GRID2: variants seen among roughly 807,000 people sequenced by gnomAD.
GRID2 encodes the protein glutamate ionotropic receptor delta type subunit 2, also known as glutamate receptor ionotropic, delta-2.
GRID2 carries 33 observed loss-of-function variants against 114.8 expected under a neutral mutation model. The observed-to-expected ratio is 0.29, with a 90% CI of 0.22 to 0.38. The LOEUF is 0.38. Among genes scored for constraint, GRID2 ranks in the 10% least tolerant of loss-of-function variants. GRID2 has a pLI of 1.00. For synonymous variants in GRID2, 505 were observed against 449.9 expected (o/e 1.12, Z -1.55); for missense variants, 1,184 against 1,257.7 (o/e 0.94, Z 0.89).
intron 8 of GRID2, among the ~76,000 whole-genome samples, chr4:93,340,125 T>C (rs1759496473): frequency 6.6e-6 from 1 of 152,160 alleles, no homozygotes; most frequent in Non-Finnish European, 1.5e-5. Flanking sequence ...CAATTTTCCT[T>C]TTTGATTTTT....
chr4:92,374,548 C>T (rs991518971), intron 1 of GRID2, among the ~76,000 whole-genome samples: 43 of 152,134 alleles, frequency 2.8e-4, no homozygotes, highest in African/African-American at 9.6e-4. Context: ...TGTCATGGGC[C>T]GTGGTCACTA....
chr4:92,417,090 A>G (rs1359591735), intron 1 of GRID2, among the ~76,000 whole-genome samples: 2 of 152,020 alleles, frequency 1.3e-5, no homozygotes, highest in Non-Finnish European at 2.9e-5. Flanking sequence ...GTTTTCAAAT[A>G]TATGTAATTT....
rs1455608637 is a variant in GRID2, at chr4:93,524,825, A to ATG, written c.2193+9415_2193+9416insGT. ...TATATATATATATATGTATGTATGTATATATATATATATATATATATATAT... is the reference window on the plus strand; with the variant it reads ...TATATATATATATATGTATGTATGTATGTATATATATATATATATATATATAT... On this transcript the variant is annotated intron_variant, in intron 13 of 15. Coordinates refer to ENST00000282020, the MANE Select transcript of GRID2 (RefSeq NM_001510.4). 1.6e-3 allele frequency among the ~76,000 whole-genome samples: 175 copies of ATG among 108,594 alleles called. No individual in the cohort carries two copies. The East Asian group carries it at 0.024, about 15-fold the overall frequency. 71.2% of individuals were successfully genotyped at this position (108,594 alleles called of 152,430 possible). A position where few individuals can be genotyped will look rare whatever the true frequency, so the allele number is the denominator to read the frequency against.
intron 2 of GRID2, among the ~76,000 whole-genome samples, chr4:92,944,799 T>C (rs1751494334): frequency 1.3e-5 from 2 of 152,214 alleles, no homozygotes; most frequent in South Asian, 4.1e-4. Context: ...CTATAGTATG[T>C]TGGACTTATC....
intron 2 of GRID2, among the ~76,000 whole-genome samples, chr4:93,045,486 T>C (rs527984917): frequency 6.6e-6 from 1 of 152,240 alleles, no homozygotes; most frequent in South Asian, 2.1e-4. Context: ...ACAAAGGAGC[T>C]TTAGATATTA....
At chr4:92,684,170 A>C (rs956159899) in intron 2 of GRID2, among the ~76,000 whole-genome samples, 4 of 152,094 alleles carry the variant, frequency 2.6e-5, no homozygotes, top group African/African-American at 9.7e-5. Flanking sequence ...TTATACTATC[A>C]TATATAAAAG....
chr4:92,403,974 A>G (rs1293732919), intron 1 of GRID2, among the ~76,000 whole-genome samples: 1 of 152,174 alleles, frequency 6.6e-6, no homozygotes, highest in Non-Finnish European at 1.5e-5. Context: ...GATAATAAAC[A>G]TCAAAAATAA....
intron 6 of GRID2, among the ~76,000 whole-genome samples, chr4:93,219,953 T>G (rs2149487099): frequency 6.6e-6 from 1 of 152,196 alleles, no homozygotes; most frequent in African/African-American, 2.4e-5. Flanking sequence ...TGAATTAGGC[T>G]TGCCAAATAA....
chr4:93,392,232 T>A (rs570356993), intron 8 of GRID2, among the ~76,000 whole-genome samples: 1 of 152,164 alleles, frequency 6.6e-6, no homozygotes, highest in Admixed American at 6.6e-5. Context: ...AGTCTTGGAC[T>A]CATTGTTAAA....
At chr4:92,491,068 T>C (rs1385918479) in intron 1 of GRID2, among the ~76,000 whole-genome samples, 1 of 152,192 alleles carries the variant, frequency 6.6e-6, no homozygotes, top group Non-Finnish European at 1.5e-5. Flanking sequence ...CAATAAGCAA[T>C]TTATAGTAAA....
chr4:93,263,396 A>G (rs1402914624), intron 8 of GRID2, among the ~76,000 whole-genome samples: 1 of 151,986 alleles, frequency 6.6e-6, no homozygotes, highest in African/African-American at 2.4e-5. Context: ...TGTGGTTTGA[A>G]TATTTACAAT....
At chr4:93,721,216 CA>C (rs1729341812) in intron 14 of GRID2, among the ~76,000 whole-genome samples, 2 of 151,924 alleles carry the variant, frequency 1.3e-5, no homozygotes, top group South Asian at 4.2e-4. Flanking sequence ...ATCAGCCTAA[CA>C]AAAGGATTAA....
chr4:93,151,002 A>G (rs1736683365), intron 4 of GRID2, among the ~76,000 whole-genome samples: 1 of 151,090 alleles, frequency 6.6e-6, no homozygotes, highest in African/African-American at 2.4e-5. Context: ...GGTGGTGCAC[A>G]CCTGTAATCC....
At chr4:92,360,846 G>A (rs1042632716) in intron 1 of GRID2, among the ~76,000 whole-genome samples, 2 of 152,022 alleles carry the variant, frequency 1.3e-5, no homozygotes, top group African/African-American at 4.8e-5. Context: ...GGAAACTTTT[G>A]TGGGGTTTTC....
chr4:92,617,320 C>G (rs979457850), intron 2 of GRID2, among the ~76,000 whole-genome samples: 1 of 151,382 alleles, frequency 6.6e-6, no homozygotes, highest in African/African-American at 2.4e-5. Flanking sequence ...AACCCGTCAT[C>G]TAGCTTTTAA....
intron 1 of GRID2, among the ~76,000 whole-genome samples, chr4:92,562,173 T>C (rs1276293223): frequency 6.6e-6 from 1 of 152,184 alleles, no homozygotes; most frequent in Non-Finnish European, 1.5e-5. Context: ...GTGAGTTCTG[T>C]CCTCTGTAAC....
chr4:93,085,316 A>T lies in GRID2; in HGVS notation c.529+37A>T, dbSNP rs552513488. On this transcript the variant is annotated intron_variant, in intron 3 of 15. Coordinates refer to ENST00000282020, the MANE Select transcript of GRID2 (RefSeq NM_001510.4). ...TAATTTGTTTAGGTTTTGTAAGCTG[A>T]TATTTGCATGAGAAGCAAATTCATT... 2.0e-6 allele frequency: 3 copies of T among 1,474,940 alleles called. No homozygotes were observed. In the African/African-American group the frequency reaches 4.2e-5, roughly 20 times the overall value. 91.4% of individuals were successfully genotyped at this position (1,474,940 alleles called of 1,614,324 possible).
chr4:93,088,868 G>A (rs985850200), intron 3 of GRID2, among the ~76,000 whole-genome samples: 36 of 151,990 alleles, frequency 2.4e-4, no homozygotes, highest in African/African-American at 7.2e-4. Flanking sequence ...GAGATTTAAC[G>A]TCTGACAGAG....
rs1285764388 is a variant in GRID2, at chr4:92,922,257, G to T, written c.245-162738G>T. Among the ~76,000 whole-genome samples the T allele has an allele frequency of 2.6e-5, 4 of 152,242 alleles. No homozygotes were observed. The East Asian group carries it at 7.7e-4, about 29-fold the overall frequency. On this transcript the variant is annotated intron_variant, in intron 2 of 15. Coordinates refer to ENST00000282020, the MANE Select transcript of GRID2 (RefSeq NM_001510.4). Reference sequence around the variant, plus strand: ...AGGTGCCATCGTCACCCCTTTCTTTGACTAGGAAAGGGAATTCCCTGACCC... The same window carrying T: ...AGGTGCCATCGTCACCCCTTTCTTTTACTAGGAAAGGGAATTCCCTGACCC...
Sources: allele counts gnomAD v4.1 joint callset (sites outside exome capture counted in the v4.1 genomes callset), GRCh38; gene constraint gnomAD v4.1.1; transcripts MANE v1.5; gene names NCBI Gene and HGNC (gene_info 2026-07-23, HGNC 2026-07-21).